PRIMA1: variants seen among roughly 807,000 people sequenced by gnomAD.
The protein encoded by PRIMA1 is proline-rich membrane anchor 1.
A neutral mutation model predicts 17.5 loss-of-function variants in PRIMA1; 7 were observed. The observed-to-expected ratio is 0.40, with a 90% CI of 0.23 to 0.75. PRIMA1 has a LOEUF of 0.75. Ranked by LOEUF, PRIMA1 falls within the 30% of genes least tolerant of loss-of-function variation. The pLI, the probability that PRIMA1 is intolerant of heterozygous loss-of-function variation, is 0.37. For synonymous variants in PRIMA1, 97 were observed against 77.9 expected (o/e 1.25, Z -1.29); for missense variants, 200 against 201.8 (o/e 0.99, Z 0.05).
intron 3 of PRIMA1, among the ~76,000 whole-genome samples, chr14:93,775,891 G>C (rs12880097): frequency 0.39 from 59,793 of 152,022 alleles, 12,089 homozygotes; most frequent in Middle Eastern, 0.55. Flanking sequence ...CAACTCCAGG[G>C]GTGGTCACAT....
chr14:93,735,156 C>A (rs1293679347), intron 4 of PRIMA1, among the ~76,000 whole-genome samples: 1 of 152,188 alleles, frequency 6.6e-6, no homozygotes, highest in Non-Finnish European at 1.5e-5. Context: ...GAGCCTCTCC[C>A]AGGGGAAGTG....
intron 4 of PRIMA1, among the ~76,000 whole-genome samples, chr14:93,723,835 T>G (rs1347371105): frequency 6.6e-6 from 1 of 152,224 alleles, no homozygotes; most frequent in Non-Finnish European, 1.5e-5. Context: ...TGGTGGGGCC[T>G]GGACCACCAC....
At chr14:93,759,252 G>A (rs2076311125) in intron 3 of PRIMA1, among the ~76,000 whole-genome samples, 1 of 152,118 alleles carries the variant, frequency 6.6e-6, no homozygotes, top group African/African-American at 2.4e-5. Context: ...GTGTGAAACT[G>A]TCCCTGCAGT....
At chr14:93,733,179 C>T (rs1327551859) in intron 4 of PRIMA1, among the ~76,000 whole-genome samples, 1 of 152,218 alleles carries the variant, frequency 6.6e-6, no homozygotes, top group South Asian at 2.1e-4. Flanking sequence ...AACACCCTCC[C>T]CGCCCAGTCC....
intron 3 of PRIMA1, among the ~76,000 whole-genome samples, chr14:93,748,047 A>AGTGTGTGTGTATGTGAGTGTGAGT (rs55972875): frequency 6.7e-6 from 1 of 150,374 alleles, no homozygotes; most frequent in Non-Finnish European, 1.5e-5. Context: ...GGAGTGTGTG[A>AGTGTGTGTGTATGTGAGTGTGAGT]GTGTGTGTAT....
chr14:93,772,929 T>C (rs1885111068), intron 3 of PRIMA1, among the ~76,000 whole-genome samples: 1 of 152,214 alleles, frequency 6.6e-6, no homozygotes, highest in South Asian at 2.1e-4. Context: ...ATTTATGAGC[T>C]GCCATTTATT....
chr14:93,788,920 G>A (rs1307920525), upstream of PRIMA1, among the ~76,000 whole-genome samples: 3 of 152,124 alleles, frequency 2.0e-5, no homozygotes, highest in African/African-American at 7.2e-5. Flanking sequence ...TGGGGTGCCC[G>A]AGCTCTCTAC....
chr14:93,781,113 A>G (rs1297436486), intron 2 of PRIMA1, among the ~76,000 whole-genome samples: 1 of 152,124 alleles, frequency 6.6e-6, no homozygotes, highest in African/African-American at 2.4e-5. Flanking sequence ...CCCCGGCTTA[A>G]TATCTACCAG....
At chr14:93,787,821 T>A in intron 1 of PRIMA1, 72 bp from the exon 2 acceptor site, 2 of 1,470,028 alleles carry the variant, frequency 1.4e-6, no homozygotes, top group Non-Finnish European at 1.8e-6. Flanking sequence ...CCAATATACC[T>A]CCCAGCCCGG....
chr14:93,724,451 G>A (rs977754860), intron 4 of PRIMA1, among the ~76,000 whole-genome samples: 4 of 152,168 alleles, frequency 2.6e-5, no homozygotes, highest in African/African-American at 9.7e-5. Flanking sequence ...TCTGCCCTGG[G>A]CCTTTTGCTC....
chr14:93,770,638 C>T (rs1192965158), intron 3 of PRIMA1, among the ~76,000 whole-genome samples: 1 of 152,218 alleles, frequency 6.6e-6, no homozygotes, highest in African/African-American at 2.4e-5. Flanking sequence ...GTATGATTTT[C>T]TCTATCTCTG....
At chr14:93,777,748 C>T (rs1885262357) in intron 3 of PRIMA1, among the ~76,000 whole-genome samples, 1 of 152,178 alleles carries the variant, frequency 6.6e-6, no homozygotes, top group Non-Finnish European at 1.5e-5. Context: ...TCTCTCAGGC[C>T]ACTCTTTGTG....
chr14:93,734,507 T>C (rs1355465460), intron 4 of PRIMA1, among the ~76,000 whole-genome samples: 1 of 152,224 alleles, frequency 6.6e-6, no homozygotes, highest in Non-Finnish European at 1.5e-5. Flanking sequence ...AGTTTCCCGC[T>C]TGCCTGTCTT....
intron 3 of PRIMA1, among the ~76,000 whole-genome samples, chr14:93,765,793 A>T (rs1884878183): frequency 6.6e-6 from 1 of 152,120 alleles, no homozygotes; most frequent in African/African-American, 2.4e-5. Flanking sequence ...CCAAGTCAAC[A>T]CTGAAGACCT....
intron 3 of PRIMA1, among the ~76,000 whole-genome samples, chr14:93,770,053 C>T (rs1293258527): frequency 1.3e-5 from 2 of 152,216 alleles, no homozygotes; most frequent in African/African-American, 2.4e-5. Context: ...TTCCGCTCTC[C>T]CCCTACAGCC....
chr14:93,788,505 C>G (rs990707314), upstream of PRIMA1: 1 of 152,320 alleles, frequency 6.6e-6, no homozygotes, highest in Non-Finnish European at 1.5e-5. Context: ...CGGACAGCCC[C>G]CATTTAAAGC....
intron 3 of PRIMA1, among the ~76,000 whole-genome samples, chr14:93,764,097 C>G (rs150585576): frequency 2.5e-4 from 38 of 151,910 alleles, no homozygotes; most frequent in African/African-American, 8.0e-4. Flanking sequence ...AAACTCCCAC[C>G]CTTCTAACCC....
In PRIMA1 at chr14:93,732,194, C is replaced by T. The variant is rs544816933; in HGVS notation, c.359+5047G>A. 4.6e-5 allele frequency among the ~76,000 whole-genome samples: 7 copies of T among 152,356 alleles called. No homozygotes were observed. The East Asian group carries it at 9.7e-4, about 21-fold the overall frequency. ...GGTGTTCATCCTGTGCCAGCATGGG[C>T]GTGTCTCCGTGCAGGGGGTGGGCAT... On this transcript the variant is annotated intron_variant, in intron 4 of 4. Transcript: ENST00000393140.
rs1459455436 is a variant in PRIMA1 at position 93,719,037 on chromosome 14, T to G, written c.*2407A>C. On this transcript the variant is annotated 3_prime_UTR_variant, in exon 5 of 5. Transcript: ENST00000393140. ...TCCCTTGCTGTGCCGTATACTTGTT[T>G]TTTGAATGGGCGGTCTTGGGCTTGA... 6.6e-6 allele frequency: 1 copy of G among 152,210 alleles called. No individual in the cohort carries two copies. Among genetic ancestry groups the G allele is most frequent in the African/African-American group, 2.4e-5 (1 of 41,444 alleles). 9.4% of individuals were successfully genotyped at this position (152,210 alleles called of 1,614,324 possible).
Sources: allele counts gnomAD v4.1 joint callset (sites outside exome capture counted in the v4.1 genomes callset), GRCh38; gene constraint gnomAD v4.1.1; transcripts MANE v1.5; gene names NCBI Gene and HGNC (gene_info 2026-07-23, HGNC 2026-07-21).